The following ARID1A variants were observed in gnomAD, a reference collection of about 807,000 sequenced individuals.
The protein encoded by ARID1A is AT-rich interactive domain-containing protein 1A.
ARID1A carries 20 observed loss-of-function variants against 212.6 expected under a neutral mutation model. The observed-to-expected ratio is 0.09, with a 90% CI of 0.07 to 0.14. The LOEUF is 0.14. ARID1A is among the 10% of genes least tolerant of loss of function. The probability of loss-of-function intolerance (pLI) is 1.00; values close to 1 mark genes in which losing one functional copy is unlikely to be tolerated. For synonymous variants in ARID1A, 1,376 were observed against 1,222.1 expected, an observed-to-expected ratio of 1.13 and a Z score of -2.63; for missense variants, 2,587 against 3,059.0, an observed-to-expected ratio of 0.85 and a Z score of 3.64.
At chr1:26,714,061 A>G (rs971617872) in intron 1 of ARID1A, among the ~76,000 whole-genome samples, 8 of 152,254 alleles carry the variant, frequency 5.3e-5, no homozygotes, top group African/African-American at 1.9e-4. Context: ...TGAAGTGGTT[A>G]GGGAAAAAGA....
At position 26,774,212 on chromosome 1, in the gene ARID1A, C is replaced by G. The variant is rs2081112493; in HGVS notation, c.4102-117C>G. ...AAAGACAATTTGTTAAGGTGATTCC[C>G]ATGTTTTCTTGGAGTCTGTGTCCAC... On this transcript the variant is annotated intron_variant, in intron 17 of 19. Transcript: ENST00000324856. The surrounding 1 kb of genome is among the most constrained non-coding windows in gnomAD (Gnocchi z 5.6). 1.4e-6 allele frequency: 2 copies of G among 1,469,682 alleles called. No homozygotes were observed. 91.0% of individuals were successfully genotyped at this position (1,469,682 alleles called of 1,614,324 possible). A position where few individuals can be genotyped will look rare whatever the true frequency, so the allele number is the denominator to read the frequency against.
chr1:26,732,572 CT>C, intron 3 of ARID1A, 103 bp from the exon 4 acceptor site: 1 of 903,458 alleles, frequency 1.1e-6, no homozygotes, highest in Non-Finnish European at 1.7e-6. Context: ...ACTGGACTTT[CT>C]CTCACACTCA....
intron 1 of ARID1A, among the ~76,000 whole-genome samples, chr1:26,719,731 A>C (rs2080541826): frequency 1.3e-5 from 2 of 150,282 alleles, no homozygotes; most frequent in South Asian, 4.2e-4. Context: ...ACCTGAGGTC[A>C]GGAGTTGGAG....
chr1:26,750,335 G>C (rs1362556465), intron 4 of ARID1A, among the ~76,000 whole-genome samples: 2 of 152,188 alleles, frequency 1.3e-5, no homozygotes, highest in Admixed American at 1.3e-4. Flanking sequence ...TTAGCCTTTA[G>C]TTGTTGTACC....
chr1:26,724,507 A>T (rs1320255153), intron 1 of ARID1A, among the ~76,000 whole-genome samples: 5 of 152,120 alleles, frequency 3.3e-5, no homozygotes, highest in African/African-American at 1.2e-4. Flanking sequence ...CTCTGCTTAG[A>T]AGTTTTGAGT....
At position 26,772,522 on chromosome 1, in the gene ARID1A, G is replaced by T. The variant is rs1403726109; in HGVS notation, c.3429G>T (p.Gly1143=). 6.2e-7 allele frequency: 1 copy of T among 1,614,172 alleles called. No individual in the cohort carries two copies. Among genetic ancestry groups the T allele is most frequent in the Non-Finnish European group, 8.5e-7 (1 of 1,180,026 alleles). ...PSPAGSGSMQ[G]PQTPQSTSSS... ...CAGCGGGATCAGGATCTATGCAGGG[G>T]CCCCAGACTCCCCAGTCAACCAGCA... The change falls in exon 13 of 20, where the codon GGG becomes GGT. Residue 1143 remains glycine (G), a synonymous_variant. Transcript: ENST00000324856.
In ARID1A at chr1:26,771,319, C is replaced by T. The variant is rs1189521217; in HGVS notation, c.3399C>T (p.Pro1133=). The stretch of plus-strand genomic sequence containing the variant: ...AGTCCCAGCCCAAGATCCAGCCTCC[C>T]TCTCCTGGTAAGGATGGGGTCAGCG... The part of the protein sequence containing the change: ...SKKSQPKIQP[P]SPAGSGSMQG... Residue 1133 remains proline (P), a synonymous_variant, in exon 12 of 20, where the codon CCC becomes CCT. Coordinates refer to ENST00000324856, the MANE Select transcript of ARID1A (RefSeq NM_006015.6). This position sits in a 1 kb window ranked among gnomAD's most constrained non-coding sequence, Gnocchi z 5.4. 6.2e-6 allele frequency: 10 copies of T among 1,614,024 alleles called. No individual in the cohort carries two copies. The African/African-American group carries it at 6.7e-5, about 11-fold the overall frequency.
intron 4 of ARID1A, among the ~76,000 whole-genome samples, chr1:26,735,135 T>TG (rs1553149744): frequency 2.7e-4 from 41 of 149,134 alleles, no homozygotes; most frequent in Middle Eastern, 3.4e-3. Flanking sequence ...TTTTTTTTTT[T>TG]GGGGGGAGAG....
chr1:26,701,383 C>T (rs924035590), intron 1 of ARID1A, among the ~76,000 whole-genome samples: 1 of 151,968 alleles, frequency 6.6e-6, no homozygotes, highest in Admixed American at 6.6e-5. Flanking sequence ...CTGGGTTTTT[C>T]CTTGTTTAGA....
chr1:26,724,719 G>T (rs1228031268), intron 1 of ARID1A, among the ~76,000 whole-genome samples: 1 of 152,162 alleles, frequency 6.6e-6, no homozygotes, highest in Non-Finnish European at 1.5e-5. Context: ...AGTTGTAAGA[G>T]GTTCCAGTAG....
chr1:26,705,191 T>G lies in ARID1A; in HGVS notation c.1137+7651T>G, dbSNP rs977709647. 6.6e-5 allele frequency among the ~76,000 whole-genome samples: 10 copies of G among 151,248 alleles called. 1 individual carries two copies. Among genetic ancestry groups the G allele is most frequent in the African/African-American group, 2.4e-4 (10 of 41,170 alleles). On this transcript the variant is annotated intron_variant, in intron 1 of 19. Transcript: ENST00000324856. ...TCTTACTTTGTCACCCAGACTGGAG[T>G]ACAGTGGTGCAATCTGGCTCATTGC...
At position 26,771,496 on chromosome 1, in the gene ARID1A, A is replaced by G; in HGVS notation, c.3406+170A>G. 1 of 690,544 alleles carries G rather than the reference A, an allele frequency of 1.4e-6. No homozygotes were observed. Among genetic ancestry groups the G allele is most frequent in the East Asian group, 2.7e-5 (1 of 36,662 alleles). 42.8% of individuals were successfully genotyped at this position (690,544 alleles called of 1,614,324 possible). A position where few individuals can be genotyped will look rare whatever the true frequency, so the allele number is the denominator to read the frequency against. On this transcript the variant is annotated intron_variant, in intron 12 of 19. Coordinates refer to ENST00000324856, the MANE Select transcript of ARID1A (RefSeq NM_006015.6). The surrounding 1 kb of genome is among the most constrained non-coding windows in gnomAD (Gnocchi z 5.4). ...GGCTGACTAGAGAGTGGGCAGTGGAAACTCCCTTGGGAGGTACTCTACGGC... is the reference window on the plus strand; with the variant it reads ...GGCTGACTAGAGAGTGGGCAGTGGAGACTCCCTTGGGAGGTACTCTACGGC...
intron 4 of ARID1A, among the ~76,000 whole-genome samples, chr1:26,757,217 A>T (rs965369411): frequency 2.9e-5 from 4 of 135,654 alleles, no homozygotes; most frequent in African/African-American, 1.1e-4. Flanking sequence ...CCTGTCTCTT[A>T]AAAAAAAAAA....
Position 26,772,645 on chromosome 1 carries a change from G to A in ARID1A, c.3539+13G>A, listed in dbSNP as rs1405264240. ...TGCCAGGCATGAGGTAAGGCCAAGAGCAGGGGCAGATGGTTGGGAGGATGG... is the reference window on the plus strand; with the variant it reads ...TGCCAGGCATGAGGTAAGGCCAAGAACAGGGGCAGATGGTTGGGAGGATGG... On this transcript the variant is annotated intron_variant, in intron 13 of 19. Coordinates refer to ENST00000324856, the MANE Select transcript of ARID1A (RefSeq NM_006015.6). The A allele has an allele frequency of 6.2e-7, 1 of 1,614,120 alleles. No homozygotes were observed. Among genetic ancestry groups the A allele is most frequent in the East Asian group, 2.2e-5 (1 of 44,896 alleles).
Position 26,731,171 on chromosome 1 carries a change from A to G in ARID1A, c.1370A>G (p.Gln457Arg), listed in dbSNP as rs1357202771. ...CTACAGATTCCTCCTTATGGACAACAAGGCCCCAGCGGGTATGGTCAACAG... is the reference window on the plus strand; with the variant it reads ...CTACAGATTCCTCCTTATGGACAACGAGGCCCCAGCGGGTATGGTCAACAG... Reference protein sequence around the residue: ...YTQQIPPYGQQGPSGYGQQGQ... With the variant: ...YTQQIPPYGQRGPSGYGQQGQ... The change falls in exon 3 of 20, where the codon CAA (glutamine) becomes CGA (arginine). Residue 457 changes from glutamine (Q) to arginine (R), a missense_variant. Physicochemically the swap from Gln to Arg is conservative, Grantham distance 43. Coordinates refer to ENST00000324856, the MANE Select transcript of ARID1A (RefSeq NM_006015.6). The G allele has an allele frequency of 6.2e-7, 1 of 1,613,794 alleles. No homozygotes were observed. Among genetic ancestry groups the G allele is most frequent in the African/African-American group, 1.3e-5 (1 of 74,852 alleles).
In ARID1A at chr1:26,757,975, G is replaced by T. The variant is rs2080957701; in HGVS notation, c.1921-2881G>T. On this transcript the variant is annotated intron_variant, in intron 4 of 19. Transcript: ENST00000324856. ...TTCAAAGCGATTTGAACTGAACCAA[G>T]TTCTCGTCTGATGGATGGATCCCTG... is the stretch of plus-strand genomic sequence containing the variant. Among the ~76,000 whole-genome samples the T allele has an allele frequency of 2.0e-5, 3 of 152,180 alleles. No individual in the cohort carries two copies. In the South Asian group the frequency reaches 6.2e-4, roughly 32 times the overall value.
At chr1:26,766,825 A>G (rs1339444991) in intron 10 of ARID1A, among the ~76,000 whole-genome samples, 1 of 152,178 alleles carries the variant, frequency 6.6e-6, no homozygotes, top group East Asian at 1.9e-4. Flanking sequence ...GAAATGCCAG[A>G]CACTGCAGCA....
In ARID1A at chr1:26,732,851, T is replaced by C. The variant is rs553281255; in HGVS notation, c.1920+59T>C. ...GGGCAGAGAGGAAACCAATGCAAAC[T>C]AGTTAGTTTCTGGTTGGAAGTTTAG... is the stretch of plus-strand genomic sequence containing the variant. On this transcript the variant is annotated intron_variant, in intron 4 of 19. Coordinates refer to ENST00000324856, the MANE Select transcript of ARID1A (RefSeq NM_006015.6). 85 of 1,407,130 alleles carry C rather than the reference T, an allele frequency of 6.0e-5. No homozygotes were observed. The African/African-American group carries it at 9.7e-4, about 16-fold the overall frequency. 87.2% of individuals were successfully genotyped at this position (1,407,130 alleles called of 1,614,324 possible).
At chr1:26,766,648 A>G (rs1208006639) in intron 10 of ARID1A, 82 bp downstream of exon 10, 2 of 1,373,176 alleles carry the variant, frequency 1.5e-6, no homozygotes, top group African/African-American at 1.5e-5. Context: ...AGAGAGTGAC[A>G]AGATCCCAGC....
Sources: gnomAD v4.1 joint callset for allele counts (sites outside exome capture counted in the v4.1 genomes callset) on GRCh38, gnomAD v4.1.1 for gene constraint, Gnocchi (gnomAD v3.1) non-coding constraint, MANE v1.5 for transcripts, NCBI Gene and HGNC (gene_info 2026-07-23, HGNC 2026-07-21) for gene names.